The following SOX13 variants were observed in gnomAD, a reference collection of about 807,000 sequenced individuals.
SOX13 encodes the protein transcription factor SOX-13.
A neutral mutation model predicts 71.8 loss-of-function variants in SOX13; 28 were observed. That is an observed-to-expected ratio of 0.39 (90% CI 0.29 to 0.53). SOX13 has a LOEUF of 0.53. SOX13 is among the 20% of genes least tolerant of loss of function. The pLI, the probability that SOX13 is intolerant of heterozygous loss-of-function variation, is 0.70. For missense variants in SOX13, 627 were observed against 810.3 expected, an observed-to-expected ratio of 0.77 and a Z score of 2.75; for synonymous variants, 309 against 317.8, an observed-to-expected ratio of 0.97 and a Z score of 0.29.
intron 4 of SOX13, chr1:204,116,085 G>A (rs970057518): frequency 1.2e-5 from 13 of 1,040,410 alleles, no homozygotes; most frequent in Non-Finnish European, 1.1e-5. Context: ...ACAGCTCACA[G>A]ACAGGATGGG....
chr1:204,115,610 T>A (rs1656674710), intron 4 of SOX13, among the ~76,000 whole-genome samples: 1 of 146,530 alleles, frequency 6.8e-6, no homozygotes, highest in Admixed American at 6.8e-5. Flanking sequence ...GAGGACCATG[T>A]GCCAGATCCT....
chr1:204,095,989 T>C (rs1250209421), intron 1 of SOX13, among the ~76,000 whole-genome samples: 1 of 152,232 alleles, frequency 6.6e-6, no homozygotes, highest in East Asian at 1.9e-4. Flanking sequence ...ACATCGTAGA[T>C]GTGTCAAGAT....
At chr1:204,079,817 TG>T (rs1655864958) in intron 1 of SOX13, among the ~76,000 whole-genome samples, 1 of 152,136 alleles carries the variant, frequency 6.6e-6, no homozygotes, top group African/African-American at 2.4e-5. Flanking sequence ...TGGTCTCAGA[TG>T]GAACAGCAGC....
At position 204,117,632 on chromosome 1, in the gene SOX13, C is replaced by G. The variant is rs36055883; in HGVS notation, c.700C>G (p.Pro234Ala). The change falls in exon 7 of 14, where the codon CCA (proline) becomes GCA (alanine). Residue 234 changes from proline to alanine, a missense_variant. Around this residue, in one of 3 missense-constraint regions of SOX13, gnomAD observed 447 missense variants for 532.2 expected, o/e 0.84. Coordinates refer to ENST00000367204, the MANE Select transcript of SOX13 (RefSeq NM_005686.3). ...MPYVMIPAFPPSHQPLPVTPD... is the reference protein window; with the variant it reads ...MPYVMIPAFPASHQPLPVTPD... ...TTATGTCATGATCCCAGCCTTCCCC[C>G]CAAGCCACCAACCTCTGCCTGTCAC... 866 of 1,613,680 alleles carry G rather than the reference C, an allele frequency of 5.4e-4. 9 individuals carry two copies. Among genetic ancestry groups the G allele is most frequent in the Non-Finnish European group, 2.1e-4 (242 of 1,179,794 alleles).
chr1:204,083,962 C>T (rs940657), intron 1 of SOX13, among the ~76,000 whole-genome samples: 79,675 of 151,998 alleles, frequency 0.52, 21,835 homozygotes, highest in South Asian at 0.64. Flanking sequence ...GAGAACAGGT[C>T]AGAGGGAAGA....
chr1:204,121,374 C>A (rs1481676266), intron 7 of SOX13, among the ~76,000 whole-genome samples: 6 of 152,188 alleles, frequency 3.9e-5, no homozygotes, highest in Non-Finnish European at 8.8e-5. Context: ...TCTGCCTCAG[C>A]CTCCCAAAGT....
intron 1 of SOX13, among the ~76,000 whole-genome samples, chr1:204,084,023 GCCTC>G (rs1303329769): frequency 6.6e-6 from 1 of 152,198 alleles, no homozygotes; most frequent in Non-Finnish European, 1.5e-5. Flanking sequence ...CCCCACCTGG[GCCTC>G]TAAGGGCATG....
At chr1:204,090,982 C>G (rs560927485) in intron 1 of SOX13, among the ~76,000 whole-genome samples, 9 of 152,174 alleles carry the variant, frequency 5.9e-5, no homozygotes, top group East Asian at 1.9e-4. Flanking sequence ...GGACACGGGC[C>G]GAGGAGCTAG....
intron 1 of SOX13, among the ~76,000 whole-genome samples, chr1:204,100,433 T>G (rs1047116912): frequency 3.3e-5 from 5 of 152,134 alleles, no homozygotes; most frequent in African/African-American, 1.2e-4. Flanking sequence ...GTGCTGGTGA[T>G]GGAAAGCGGG....
intron 1 of SOX13, among the ~76,000 whole-genome samples, chr1:204,079,756 C>T (rs1353675234): frequency 1.3e-5 from 2 of 152,206 alleles, no homozygotes; most frequent in Non-Finnish European, 1.5e-5. Flanking sequence ...GCCTGCCTCC[C>T]TGCTCACTCC....
rs182658624 is a variant in SOX13 at position 204,114,665 on chromosome 1, G to T, written c.418+60G>T. ...ACCCCATCTCTCTTCTCCTGGTCTG[G>T]CCACGCAGCCTGGCTCTGTAGGGCA... On this transcript the variant is annotated intron_variant, in intron 4 of 13. Transcript: ENST00000367204. The T allele has an allele frequency of 4.0e-4, 525 of 1,312,292 alleles. 2 individuals carry two copies. The highest frequency in any genetic ancestry group is 5.4e-4 in the Non-Finnish European group (491 of 905,710). The allele number at this position is 1,312,292 out of a possible 1,614,324, so 81.3% of individuals were successfully genotyped here. A position where few individuals can be genotyped will look rare whatever the true frequency, so the allele number is the denominator to read the frequency against.
chr1:204,095,224 C>T (rs989791115), intron 1 of SOX13, among the ~76,000 whole-genome samples: 5 of 152,138 alleles, frequency 3.3e-5, no homozygotes, highest in African/African-American at 4.8e-5. Context: ...GATGGACATC[C>T]GAGGGGAAAG....
chr1:204,086,301 T>C (rs568990192), intron 1 of SOX13, among the ~76,000 whole-genome samples: 1 of 152,188 alleles, frequency 6.6e-6, no homozygotes, highest in Non-Finnish European at 1.5e-5. Context: ...TTCAACTTTT[T>C]AAAAAATTTT....
At chr1:204,085,981 A>G (rs1274735269) in intron 1 of SOX13, among the ~76,000 whole-genome samples, 2 of 152,072 alleles carry the variant, frequency 1.3e-5, no homozygotes, top group Non-Finnish European at 2.9e-5. Context: ...AAAAAAAAAA[A>G]AAGAAAAGAA....
chr1:204,100,651 C>T (rs560322780), intron 1 of SOX13, among the ~76,000 whole-genome samples: 6 of 150,704 alleles, frequency 4.0e-5, no homozygotes, highest in East Asian at 3.9e-4. Context: ...GCTTGGCTGA[C>T]GATAGGGTAG....
At chr1:204,086,178 C>T (rs1447719800) in intron 1 of SOX13, among the ~76,000 whole-genome samples, 1 of 152,206 alleles carries the variant, frequency 6.6e-6, no homozygotes, top group Non-Finnish European at 1.5e-5. Flanking sequence ...AAGCTCCTTG[C>T]CGGTTCCTCC....
chr1:204,124,809 C>T lies in SOX13; in HGVS notation c.1544C>T (p.Ala515Val). The T allele has an allele frequency of 6.3e-7, 1 of 1,591,236 alleles. No individual in the cohort carries two copies. Among genetic ancestry groups the T allele is most frequent in the Non-Finnish European group, 8.6e-7 (1 of 1,169,566 alleles). Residue 515 changes from alanine (A) to valine (V), a missense_variant, in exon 13 of 14, where the codon GCC (alanine) becomes GTC (valine). This residue lies in a region of SOX13 where 148 missense variants were observed against 192.7 expected (regional missense o/e 0.77). Transcript: ENST00000367204. ...CGGCTGCGCGTGGGAGAGTACAAGG[C>T]CCTGATGAGGACCCGGCGTCAGGAT... ...GKRLRVGEYK[A>V]LMRTRRQDAR...
At chr1:204,115,996 C>T (rs1656684767) in intron 4 of SOX13, 1 of 358,278 alleles carries the variant, frequency 2.8e-6, no homozygotes, top group African/African-American at 2.1e-5. Flanking sequence ...TCATAGTAAC[C>T]CTCTGAGGTG....
rs1656690828 is a variant in SOX13 at position 204,116,238 on chromosome 1, G to T, written c.419-269G>T. On this transcript the variant is annotated intron_variant, in intron 4 of 13. Coordinates refer to ENST00000367204, the MANE Select transcript of SOX13 (RefSeq NM_005686.3). ...ACATTGAAGAGGCCTGGGGCTCTGG[G>T]GCTGACATGTCCCACTGTCAGCATT... 11 of 1,422,264 alleles carry T rather than the reference G, an allele frequency of 7.7e-6. 1 individual carries two copies. In the South Asian group the frequency reaches 1.3e-4, roughly 17 times the overall value. 88.1% of individuals were successfully genotyped at this position (1,422,264 alleles called of 1,614,324 possible). A position where few individuals can be genotyped will look rare whatever the true frequency, so the allele number is the denominator to read the frequency against.
Sources: allele counts gnomAD v4.1 joint callset (sites outside exome capture counted in the v4.1 genomes callset), GRCh38; gene constraint gnomAD v4.1.1; regional missense constraint gnomAD v4.1.1; transcripts MANE v1.5; gene names NCBI Gene and HGNC (gene_info 2026-07-23, HGNC 2026-07-21).